KCNAB1: variants seen among roughly 807,000 people sequenced by gnomAD.
KCNAB1 encodes the protein potassium voltage-gated channel subfamily A regulatory beta subunit 1.
In KCNAB1, 35 loss-of-function variants were observed where a neutral mutation model predicts 64.6. That is an observed-to-expected ratio of 0.54 (90% CI 0.41 to 0.72). KCNAB1 has a LOEUF of 0.72. Ranked by LOEUF, KCNAB1 falls within the 30% of genes least tolerant of loss-of-function variation. The pLI, the probability that KCNAB1 is intolerant of heterozygous loss-of-function variation, is 0.00. For synonymous variants in KCNAB1, 177 were observed against 183.8 expected, an observed-to-expected ratio of 0.96 and a Z score of 0.30; for missense variants, 401 against 512.9, an observed-to-expected ratio of 0.78 and a Z score of 2.11.
chr3:156,212,550 G>C (rs1715076340), intron 1 of KCNAB1, among the ~76,000 whole-genome samples: 1 of 152,150 alleles, frequency 6.6e-6, no homozygotes, highest in African/African-American at 2.4e-5. Flanking sequence ...CTATGTGGGG[G>C]ATGCGAAGGG....
chr3:156,322,071 A>G (rs1484865882), intron 1 of KCNAB1, among the ~76,000 whole-genome samples: 1 of 152,200 alleles, frequency 6.6e-6, no homozygotes, highest in Non-Finnish European at 1.5e-5. Context: ...CAAGTGCATA[A>G]CTTCAGGATC....
At chr3:156,199,205 T>C (rs940202958) in intron 1 of KCNAB1, among the ~76,000 whole-genome samples, 7 of 152,208 alleles carry the variant, frequency 4.6e-5, no homozygotes, top group Admixed American at 4.6e-4. Context: ...TCTGATGGGC[T>C]TCCCTTTGTA....
intron 1 of KCNAB1, among the ~76,000 whole-genome samples, chr3:156,383,870 C>T (rs1213720379): frequency 2.0e-5 from 3 of 152,196 alleles, no homozygotes; most frequent in Non-Finnish European, 4.4e-5. Context: ...AGCCTCGCAG[C>T]TCTGCCACTT....
chr3:156,358,960 T>C (rs145387440), intron 1 of KCNAB1, among the ~76,000 whole-genome samples: 2,023 of 152,334 alleles, frequency 0.013, 17 homozygotes, highest in South Asian at 0.031. Context: ...AAAATATGAA[T>C]ATTTTAAGCA....
chr3:156,244,703 A>G (rs1227755298), intron 1 of KCNAB1, among the ~76,000 whole-genome samples: 1 of 152,164 alleles, frequency 6.6e-6, no homozygotes, highest in Non-Finnish European at 1.5e-5. Flanking sequence ...CCCCAATGTC[A>G]ATATCTCTAT....
intron 1 of KCNAB1, among the ~76,000 whole-genome samples, chr3:156,187,345 G>C (rs894322805): frequency 7.9e-5 from 12 of 152,066 alleles, no homozygotes; most frequent in African/African-American, 2.2e-4. Flanking sequence ...TTTGTCTTTT[G>C]TCCATTTGTC....
chr3:156,154,507 CT>C (rs368663056), intron 1 of KCNAB1, among the ~76,000 whole-genome samples: 4 of 152,076 alleles, frequency 2.6e-5, no homozygotes, highest in African/African-American at 9.7e-5. Context: ...CTGACTCGTC[CT>C]CCTAGATAAA....
chr3:156,223,753 C>A, intron 1 of KCNAB1, among the ~76,000 whole-genome samples: 1 of 152,200 alleles, frequency 6.6e-6, no homozygotes, highest in Admixed American at 6.5e-5. Flanking sequence ...AAACCTTGAG[C>A]TAGATACAGG....
At chr3:156,201,943 T>C (rs1487129689) in intron 1 of KCNAB1, among the ~76,000 whole-genome samples, 2 of 152,110 alleles carry the variant, frequency 1.3e-5, no homozygotes, top group African/African-American at 2.4e-5. Flanking sequence ...GGGTGCTTTA[T>C]TGTAAGCAGG....
At chr3:156,355,434 T>G (rs1404539602) in intron 1 of KCNAB1, among the ~76,000 whole-genome samples, 2 of 152,136 alleles carry the variant, frequency 1.3e-5, no homozygotes, top group Non-Finnish European at 2.9e-5. Context: ...CCTGGCCAGT[T>G]TCCTCATTGA....
intron 8 of KCNAB1, among the ~76,000 whole-genome samples, chr3:156,485,319 T>G (rs1413417495): frequency 1.3e-5 from 2 of 152,142 alleles, no homozygotes; most frequent in Non-Finnish European, 2.9e-5. Flanking sequence ...CCCAATACTC[T>G]TCACCTACAT....
At chr3:156,174,301 GGTTT>G (rs960741598) in intron 1 of KCNAB1, among the ~76,000 whole-genome samples, 11 of 152,138 alleles carry the variant, frequency 7.2e-5, no homozygotes, top group Non-Finnish European at 5.9e-5. Context: ...AATTTTTAGT[GGTTT>G]GTTCTTGGGT....
intron 1 of KCNAB1, among the ~76,000 whole-genome samples, chr3:156,405,907 G>T (rs1446134543): frequency 1.3e-5 from 2 of 151,956 alleles, no homozygotes; most frequent in Non-Finnish European, 2.9e-5. Flanking sequence ...TTTTCTTTTA[G>T]ATTGATTATT....
At chr3:156,337,457 T>TTTCCTTCTTCTTC (rs1289377097) in intron 1 of KCNAB1, among the ~76,000 whole-genome samples, 1 of 152,182 alleles carries the variant, frequency 6.6e-6, no homozygotes, top group African/African-American at 2.4e-5. Context: ...CCCTTTTCAT[T>TTTCCTTCTTCTTC]TTCCTTCTTC....
At chr3:156,274,427 T>C (rs1286214108) in intron 1 of KCNAB1, among the ~76,000 whole-genome samples, 1 of 152,210 alleles carries the variant, frequency 6.6e-6, no homozygotes, top group Non-Finnish European at 1.5e-5. Flanking sequence ...AATAAAATAC[T>C]TATTTCATTT....
intron 1 of KCNAB1, among the ~76,000 whole-genome samples, chr3:156,165,879 C>T (rs956857540): frequency 3.3e-4 from 50 of 152,146 alleles, no homozygotes; most frequent in African/African-American, 1.2e-3. Context: ...GACTTGTTTA[C>T]TGTGTTCTCA....
intron 1 of KCNAB1, among the ~76,000 whole-genome samples, chr3:156,338,963 C>T (rs991191986): frequency 6.6e-6 from 1 of 152,166 alleles, no homozygotes; most frequent in Admixed American, 6.5e-5. Flanking sequence ...ACTGCTAACA[C>T]ATATCTTTAG....
At chr3:156,246,177 T>G (rs1317495370) in intron 1 of KCNAB1, among the ~76,000 whole-genome samples, 1 of 152,200 alleles carries the variant, frequency 6.6e-6, no homozygotes, top group African/African-American at 2.4e-5. Context: ...CTCAGATAAT[T>G]AAATTGCCCC....
chr3:156,463,650 A>G, intron 5 of KCNAB1, 52 bp from the exon 6 acceptor site: 1 of 1,376,890 alleles, frequency 7.3e-7, no homozygotes, highest in South Asian at 1.2e-5. Context: ...GACTCGGTAC[A>G]ATAACCTGCA....
Sources: allele counts gnomAD v4.1 joint callset (sites outside exome capture counted in the v4.1 genomes callset), GRCh38; gene constraint gnomAD v4.1.1; transcripts MANE v1.5; gene names NCBI Gene and HGNC (gene_info 2026-07-23, HGNC 2026-07-21).